AMPH: variants seen among roughly 807,000 people sequenced by gnomAD.
AMPH encodes amphiphysin (Stiff-Mann syndrome with breast cancer 128kD autoantigen).
In AMPH, 49 loss-of-function variants were observed where a neutral mutation model predicts 99.1. That is an observed-to-expected ratio of 0.49 (90% CI 0.39 to 0.63). AMPH has a LOEUF of 0.63. Among genes scored for constraint, AMPH ranks in the 20% least tolerant of loss-of-function variants. The probability of loss-of-function intolerance (pLI) is 0.00; values close to 1 mark genes in which losing one functional copy is unlikely to be tolerated. For synonymous variants in AMPH, 314 were observed against 317.3 expected (o/e 0.99, Z 0.11); for missense variants, 759 against 863.4 (o/e 0.88, Z 1.52).
intron 1 of AMPH, among the ~76,000 whole-genome samples, chr7:38,573,418 A>G (rs1348798478): frequency 6.6e-6 from 1 of 152,256 alleles, no homozygotes; most frequent in Non-Finnish European, 1.5e-5. Context: ...GCACACAAGC[A>G]TAATTTTGAA....
chr7:38,620,106 T>G (rs1185769582), intron 1 of AMPH, among the ~76,000 whole-genome samples: 6 of 151,948 alleles, frequency 3.9e-5, no homozygotes, highest in Admixed American at 3.9e-4. Context: ...CTATGAAAGA[T>G]TCTCTTCCCT....
At chr7:38,388,540 T>G (rs988755631) in intron 20 of AMPH, among the ~76,000 whole-genome samples, 1 of 152,136 alleles carries the variant, frequency 6.6e-6, no homozygotes, top group Non-Finnish European at 1.5e-5. Flanking sequence ...TATGAAATTT[T>G]TTTTTAACTC....
At chr7:38,623,685 G>T (rs952762448) in intron 1 of AMPH, among the ~76,000 whole-genome samples, 5 of 152,148 alleles carry the variant, frequency 3.3e-5, no homozygotes, top group Non-Finnish European at 5.9e-5. Flanking sequence ...TGGGCCCTGG[G>T]CCTCACAGTA....
At chr7:38,603,594 G>C (rs1793330725) in intron 1 of AMPH, among the ~76,000 whole-genome samples, 1 of 152,162 alleles carries the variant, frequency 6.6e-6, no homozygotes, top group African/African-American at 2.4e-5. Flanking sequence ...GCTTAAAACA[G>C]TGGTTGGTTT....
rs1217008951 is a variant in AMPH, at chr7:38,469,102, C to G, written c.591-2854G>C. Among the ~76,000 whole-genome samples, 24 of 55,592 alleles carry G rather than the reference C, an allele frequency of 4.3e-4. 4 individuals carry two copies. The highest frequency in any genetic ancestry group is 2.0e-3 in the African/African-American group (23 of 11,272). 36.5% of individuals were successfully genotyped at this position (55,592 alleles called of 152,430 possible). On this transcript the variant is annotated intron_variant, in intron 7 of 20. Coordinates refer to ENST00000356264, the MANE Select transcript of AMPH (RefSeq NM_001635.4). ...CCGGGAGGCGGAGCTTGCAGTGAGC[C>G]GAGATCCCGCCACTGCACTCCAGCC... is the stretch of plus-strand genomic sequence containing the variant.
chr7:38,585,499 C>T (rs1792612684), intron 1 of AMPH, among the ~76,000 whole-genome samples: 1 of 152,180 alleles, frequency 6.6e-6, no homozygotes, highest in Non-Finnish European at 1.5e-5. Flanking sequence ...CTCAAGTCAT[C>T]TGTAGTACCA....
At chr7:38,396,940 G>A (rs927252709) in intron 17 of AMPH, among the ~76,000 whole-genome samples, 4 of 152,192 alleles carry the variant, frequency 2.6e-5, no homozygotes, top group Admixed American at 1.3e-4. Flanking sequence ...AAACTTATGA[G>A]CTCAAATGTA....
intron 14 of AMPH, chr7:38,428,608 C>A (rs1213424535): frequency 1.5e-5 from 7 of 456,440 alleles, no homozygotes; most frequent in Admixed American, 1.2e-4. Flanking sequence ...TTCTTTATGT[C>A]TTTTCTAGTC....
At chr7:38,443,290 C>A (rs368085233) in intron 11 of AMPH, among the ~76,000 whole-genome samples, 44 of 152,036 alleles carry the variant, frequency 2.9e-4, no homozygotes, top group Middle Eastern at 3.4e-3. Context: ...TCTATCAAAC[C>A]TTTAAGCAAC....
intron 1 of AMPH, among the ~76,000 whole-genome samples, chr7:38,622,503 A>G (rs1175532351): frequency 6.6e-6 from 1 of 152,004 alleles, no homozygotes; most frequent in Non-Finnish European, 1.5e-5. Flanking sequence ...CCTTAGATGA[A>G]CTGCAATGGC....
At chr7:38,624,386 T>A (rs780153453) in intron 1 of AMPH, among the ~76,000 whole-genome samples, 1 of 149,924 alleles carries the variant, frequency 6.7e-6, no homozygotes, top group Non-Finnish European at 1.5e-5. Context: ...TTATTATTAG[T>A]ATTAGTATTA....
At chr7:38,448,067 T>C (rs79723346) in intron 11 of AMPH, among the ~76,000 whole-genome samples, 3,292 of 152,294 alleles carry the variant, frequency 0.022, 124 homozygotes, top group African/African-American at 0.075. Context: ...ATACCTTTCA[T>C]GTAAAAGTCA....
intron 1 of AMPH, among the ~76,000 whole-genome samples, chr7:38,592,242 G>T (rs912799460): frequency 6.6e-6 from 1 of 152,180 alleles, no homozygotes; most frequent in Non-Finnish European, 1.5e-5. Context: ...CAGCGTGGGC[G>T]TCATGGCCAT....
At chr7:38,465,414 A>G in intron 9 of AMPH, 53 bp downstream of exon 9, 1 of 1,486,732 alleles carries the variant, frequency 6.7e-7, no homozygotes, top group East Asian at 2.5e-5. Flanking sequence ...CCACAGATTG[A>G]AGAAATTTTA....
intron 1 of AMPH, among the ~76,000 whole-genome samples, chr7:38,625,371 T>G (rs1367545630): frequency 6.6e-6 from 1 of 152,184 alleles, no homozygotes; most frequent in Admixed American, 6.5e-5. Context: ...AGAAACAACT[T>G]TTTAAAGTTC....
At chr7:38,553,656 T>C (rs373402507) in intron 1 of AMPH, among the ~76,000 whole-genome samples, 1 of 152,364 alleles carries the variant, frequency 6.6e-6, no homozygotes, top group South Asian at 2.1e-4. Flanking sequence ...AGATTAAATA[T>C]TGTCCTCCTG....
intron 1 of AMPH, among the ~76,000 whole-genome samples, chr7:38,536,220 A>G (rs1013533679): frequency 2.0e-5 from 3 of 152,164 alleles, no homozygotes; most frequent in African/African-American, 7.2e-5. Flanking sequence ...TAAGTAACAA[A>G]TTGTACTTGC....
At chr7:38,444,142 T>C (rs1185933459) in intron 11 of AMPH, among the ~76,000 whole-genome samples, 5 of 152,166 alleles carry the variant, frequency 3.3e-5, no homozygotes, top group African/African-American at 1.2e-4. Flanking sequence ...TGTCTGTACA[T>C]TGCAAACTGT....
chr7:38,470,788 A>C (rs1381812277), intron 7 of AMPH, among the ~76,000 whole-genome samples: 1 of 152,112 alleles, frequency 6.6e-6, no homozygotes, highest in Non-Finnish European at 1.5e-5. Context: ...AACTCAACAT[A>C]TATAAGCCAG....
Sources: gnomAD v4.1 joint callset for allele counts (sites outside exome capture counted in the v4.1 genomes callset) on GRCh38, gnomAD v4.1.1 for gene constraint, MANE v1.5 for transcripts, NCBI Gene and HGNC (gene_info 2026-07-23, HGNC 2026-07-21) for gene names.